SLC2A11: variants seen among roughly 807,000 people sequenced by gnomAD.
The protein encoded by SLC2A11 is solute carrier family 2, facilitated glucose transporter member 11.
In SLC2A11, 43 loss-of-function variants were observed where a neutral mutation model predicts 52.1. The ratio of observed to expected loss-of-function variants is 0.82; its 90% CI spans 0.65 to 1.06. SLC2A11 has a LOEUF of 1.06. Among genes scored for constraint, SLC2A11 ranks in the 50% least tolerant of loss-of-function variants. The pLI is 0.00. For synonymous variants in SLC2A11, 261 were observed against 277.6 expected (o/e 0.94, Z 0.59); for missense variants, 582 against 654.2 (o/e 0.89, Z 1.20).
At chr22:23,857,578 C>T (rs768382703), upstream of SLC2A11, 3 of 922,966 alleles carry the variant, frequency 3.3e-6, no homozygotes, top group African/African-American at 3.1e-5. Flanking sequence ...TGACCCCAAA[C>T]CCCCCCCCCG....
rs905447661 is a variant in SLC2A11, at chr22:23,882,748, C to T, written c.883-11C>T. On this transcript the variant is annotated splice_polypyrimidine_tract_variant and intron_variant, in intron 7 of 11. Coordinates refer to ENST00000316185, the MANE Select transcript of SLC2A11 (RefSeq NM_001024939.4). ...GAAGGGAGCCCAGGCCTGAAAGCCACCCTCTCCCAGGTGTACGCCTACGCC... is the reference window on the plus strand; with the variant it reads ...GAAGGGAGCCCAGGCCTGAAAGCCATCCTCTCCCAGGTGTACGCCTACGCC... The T allele has an allele frequency of 1.2e-6, 2 of 1,609,906 alleles. No homozygotes were observed. The highest frequency in any genetic ancestry group is 1.3e-5 in the African/African-American group (1 of 74,872).
In SLC2A11 at chr22:23,884,310, A is replaced by G. The variant is rs1285329007; in HGVS notation, c.1180A>G (p.Thr394Ala). 6.2e-7 allele frequency: 1 copy of G among 1,613,528 alleles called. No homozygotes were observed. The highest frequency in any genetic ancestry group is 8.5e-7 in the Non-Finnish European group (1 of 1,179,724). Residue 394 changes from threonine (T) to alanine (A), a missense_variant, in exon 11 of 12, where the codon ACG (threonine) becomes GCG (alanine). By Grantham distance (58) the Thr-to-Ala change is moderately conservative. Coordinates refer to ENST00000316185, the MANE Select transcript of SLC2A11 (RefSeq NM_001024939.4). The surrounding 1 kb of genome is among the most constrained non-coding windows in gnomAD (Gnocchi z 4.3). ...CCTGCCCCTCCTTCTAGCCGGAGTG[A>G]CGGGGATCCTGGCCACAGAGCTGTT... ...LSFGIGPAGV[T>A]GILATELFDQ... is the part of the protein sequence containing the mutation.
Position 23,876,919 on chromosome 22 carries a change from C to G in SLC2A11, c.416-123C>G, listed in dbSNP as rs542668002. The stretch of plus-strand genomic sequence containing the variant: ...GAGTGTGGGGGGTGAGGGATCAGCC[C>G]TCAGTGCCAGGATCCAGTTGAGTGG... On this transcript the variant is annotated intron_variant, in intron 4 of 11. Transcript: ENST00000316185. 1.3e-5 allele frequency: 20 copies of G among 1,503,420 alleles called. No individual in the cohort carries two copies. In the East Asian group the frequency reaches 4.5e-4, roughly 34 times the overall value. The allele number at this position is 1,503,420 out of a possible 1,614,324, so 93.1% of individuals were successfully genotyped here. A position where few individuals can be genotyped will look rare whatever the true frequency, so the allele number is the denominator to read the frequency against.
At chr22:23,877,267 A>G (rs1036825692) in intron 5 of SLC2A11, 96 bp downstream of exon 5, 1 of 1,564,088 alleles carries the variant, frequency 6.4e-7, no homozygotes, top group South Asian at 1.2e-5. Flanking sequence ...AGTAGATTAA[A>G]GCATTATTGC....
chr22:23,857,073 T>TGGG (rs60895711), upstream of SLC2A11: 59 of 409,720 alleles, frequency 1.4e-4, no homozygotes, highest in South Asian at 2.4e-4. Flanking sequence ...TGTGTGTGTG[T>TGGG]GGGGGGGGGG....
chr22:23,859,571 T>C (rs1045243250), intron 1 of SLC2A11, among the ~76,000 whole-genome samples: 27 of 152,176 alleles, frequency 1.8e-4, no homozygotes, highest in African/African-American at 6.0e-4. Flanking sequence ...TACTGCAACC[T>C]CCGCCTCCCT....
At chr22:23,882,195 G>T in intron 6 of SLC2A11, 1 of 481,290 alleles carries the variant, frequency 2.1e-6, no homozygotes, top group Non-Finnish European at 3.6e-6. Context: ...GAGAGAGAGA[G>T]AAACACACAC....
At chr22:23,873,614 A>G (rs2032527928) in intron 3 of SLC2A11, among the ~76,000 whole-genome samples, 1 of 152,134 alleles carries the variant, frequency 6.6e-6, no homozygotes, top group Non-Finnish European at 1.5e-5. Context: ...AGCTGCTGCT[A>G]TATACTTAAG....
Position 23,882,501 on chromosome 22 carries a change from T to C in SLC2A11, c.737T>C (p.Leu246Pro). ...LRGSGDLAGE[L>P]EELEEERAAC... Reference sequence around the variant, plus strand: ...GGCTCCGGGGACTTGGCAGGGGAGCTGGAGGAGCTGGAGGAGGAGCGCGCT... The same window carrying C: ...GGCTCCGGGGACTTGGCAGGGGAGCCGGAGGAGCTGGAGGAGGAGCGCGCT... Residue 246 changes from leucine (L) to proline (P), a missense_variant, in exon 7 of 12, where the codon CTG becomes CCG. Leu to Pro is a moderately conservative substitution (Grantham distance 98, BLOSUM62 -3). Coordinates refer to ENST00000316185, the MANE Select transcript of SLC2A11 (RefSeq NM_001024939.4). 6.4e-7 allele frequency: 1 copy of C among 1,572,944 alleles called. No homozygotes were observed. The highest frequency in any genetic ancestry group is 8.6e-7 in the Non-Finnish European group (1 of 1,161,626).
At position 23,857,930 on chromosome 22, in the gene SLC2A11, C is replaced by T; in HGVS notation, c.-70C>T. 1.3e-6 allele frequency: 2 copies of T among 1,591,026 alleles called. No homozygotes were observed. The highest frequency in any genetic ancestry group is 1.7e-6 in the Non-Finnish European group (2 of 1,169,970). On this transcript the variant is annotated 5_prime_UTR_variant, in exon 1 of 12. Coordinates refer to ENST00000316185, the MANE Select transcript of SLC2A11 (RefSeq NM_001024939.4). ...CTTCCCTCCGCGCACAGGCTGCCGG[C>T]TCACCGCTTGCTAATGGCAGCCGGG...
chr22:23,859,972 C>T (rs187888514), intron 1 of SLC2A11, among the ~76,000 whole-genome samples: 92 of 152,226 alleles, frequency 6.0e-4, no homozygotes, highest in African/African-American at 2.0e-3. Context: ...AAGATATCAA[C>T]GATTCAATTT....
At chr22:23,858,387 C>G (rs376625209) in intron 1 of SLC2A11, among the ~76,000 whole-genome samples, 2 of 152,138 alleles carry the variant, frequency 1.3e-5, no homozygotes, top group East Asian at 3.9e-4. Flanking sequence ...CCTCTTTCCT[C>G]CTCATGCTCC....
At position 23,868,501 on chromosome 22, in the gene SLC2A11, T is replaced by A. The variant is rs1183023156; in HGVS notation, c.150T>A (p.Asn50Lys). The A allele has an allele frequency of 1.2e-6, 2 of 1,611,226 alleles. No homozygotes were observed. The highest frequency in any genetic ancestry group is 1.7e-5 in the Admixed American group (1 of 60,000). ...CACAGCACATTCAGGAATTCACCAA[T>A]GAGACATGGCAGGCGCGTACTGGAG... ...APTLHIQEFT[N>K]ETWQARTGEP... The change falls in exon 3 of 12, where the codon AAT (asparagine) becomes AAA (lysine). Residue 50 changes from asparagine (N) to lysine (K), a missense_variant. By Grantham distance (94) the Asn-to-Lys change is moderately conservative. Transcript: ENST00000316185.
upstream of SLC2A11, chr22:23,857,601 C>G: frequency 1.8e-6 from 2 of 1,122,136 alleles, no homozygotes; most frequent in Non-Finnish European, 2.5e-6. Context: ...GCGGCGACTC[C>G]CCCCCAACAC....
chr22:23,861,314 AAG>A (rs1568983683), intron 1 of SLC2A11, among the ~76,000 whole-genome samples: 4 of 64,990 alleles, frequency 6.2e-5, no homozygotes, highest in South Asian at 3.8e-4. Context: ...AAAAAAAAAA[AAG>A]AAAATCCCAA....
At chr22:23,883,909 C>T (rs762710386) in intron 9 of SLC2A11, 36 bp downstream of exon 9, 75 of 1,610,088 alleles carry the variant, frequency 4.7e-5, no homozygotes, top group Admixed American at 6.8e-5. Flanking sequence ...GGGTCCAGGC[C>T]GGGCTGACTT....
rs1180622143 is a variant in SLC2A11 at position 23,868,513 on chromosome 22, G to A, written c.162G>A (p.Gln54=). 1.9e-6 allele frequency: 3 copies of A among 1,614,250 alleles called. No individual in the cohort carries two copies. The Admixed American group carries it at 5.0e-5, about 27-fold the overall frequency. The change falls in exon 3 of 12, where the codon CAG becomes CAA. Residue 54 remains glutamine (Q), a synonymous_variant. Coordinates refer to ENST00000316185, the MANE Select transcript of SLC2A11 (RefSeq NM_001024939.4). ...AGGAATTCACCAATGAGACATGGCA[G>A]GCGCGTACTGGAGAGCCACTGCCCG... is the stretch of plus-strand genomic sequence containing the variant. ...HIQEFTNETW[Q]ARTGEPLPDH...
At position 23,862,148 on chromosome 22, in the gene SLC2A11, T is replaced by A; in HGVS notation, c.75T>A (p.Ile25=). 1.2e-6 allele frequency: 2 copies of A among 1,614,140 alleles called. No individual in the cohort carries two copies. The highest frequency in any genetic ancestry group is 1.7e-6 in the Non-Finnish European group (2 of 1,180,002). The part of the protein sequence containing the change: ...ILLLTICAAG[I]GGTFQFGYNL... ...TCCTGACCATCTGCGCTGCCGGCAT[T>A]GGTGGGACTTTTCAGTTTGGCTATA... Residue 25 remains isoleucine (I), a synonymous_variant, in exon 2 of 12, where the codon ATT becomes ATA. Transcript: ENST00000316185.
intron 5 of SLC2A11, chr22:23,877,377 C>G: frequency 1.1e-6 from 1 of 915,064 alleles, no homozygotes; most frequent in Non-Finnish European, 1.8e-6. Context: ...TTTTCCCATC[C>G]TCTCCAGGTC....
Sources: gnomAD v4.1 joint callset for allele counts (sites outside exome capture counted in the v4.1 genomes callset) on GRCh38, gnomAD v4.1.1 for gene constraint, Gnocchi (gnomAD v3.1) non-coding constraint, MANE v1.5 for transcripts, NCBI Gene and HGNC (gene_info 2026-07-23, HGNC 2026-07-21) for gene names.